SLC8A1: variants seen among roughly 807,000 people sequenced by gnomAD.
SLC8A1 encodes the protein solute carrier family 8 member A1.
Under a neutral mutation model 68.3 loss-of-function variants are expected in SLC8A1, and 18 were observed. That is an observed-to-expected ratio of 0.26 (90% CI 0.18 to 0.39). SLC8A1 has a LOEUF of 0.39. SLC8A1 is among the 10% of genes least tolerant of loss of function. The probability of loss-of-function intolerance (pLI) is 1.00; values close to 1 mark genes in which losing one functional copy is unlikely to be tolerated. For synonymous variants in SLC8A1, 475 were observed against 415.5 expected (o/e 1.14, Z -1.74); for missense variants, 985 against 1,156.7 (o/e 0.85, Z 2.15).
intron 1 of SLC8A1, among the ~76,000 whole-genome samples, chr2:40,467,121 G>T (rs1006482163): frequency 2.6e-5 from 4 of 152,206 alleles, no homozygotes; most frequent in Middle Eastern, 3.4e-3. Flanking sequence ...GGATCCCCAA[G>T]GCTGGCTGGA....
At chr2:40,154,198 G>T (rs529019072) in intron 6 of SLC8A1, among the ~76,000 whole-genome samples, 1 of 151,170 alleles carries the variant, frequency 6.6e-6, no homozygotes, top group South Asian at 2.1e-4. Flanking sequence ...TATAGGTGAA[G>T]AACAGAAATA....
At chr2:40,196,411 G>T (rs917925786) in intron 2 of SLC8A1, among the ~76,000 whole-genome samples, 1 of 151,988 alleles carries the variant, frequency 6.6e-6, no homozygotes, top group Admixed American at 6.6e-5. Flanking sequence ...CTCTGACCTT[G>T]TGAGGTCCTC....
intron 2 of SLC8A1, among the ~76,000 whole-genome samples, chr2:40,283,597 G>A (rs1238955541): frequency 6.6e-6 from 1 of 152,096 alleles, no homozygotes; most frequent in Non-Finnish European, 1.5e-5. Context: ...AAAAACAAAG[G>A]CAAAGCACAA....
At chr2:40,440,870 A>C (rs1204627928) in intron 1 of SLC8A1, among the ~76,000 whole-genome samples, 1 of 152,216 alleles carries the variant, frequency 6.6e-6, no homozygotes, top group Admixed American at 6.5e-5. Flanking sequence ...AACTGGCACA[A>C]GACAAGGATG....
chr2:40,189,581 TG>T, intron 2 of SLC8A1, among the ~76,000 whole-genome samples: 1 of 152,320 alleles, frequency 6.6e-6, no homozygotes, highest in Non-Finnish European at 1.5e-5. Context: ...CCCAAAGTGC[TG>T]GGATTACAGG....
intron 2 of SLC8A1, among the ~76,000 whole-genome samples, chr2:40,198,746 C>T (rs1167068901): frequency 6.6e-6 from 1 of 151,854 alleles, no homozygotes; most frequent in Admixed American, 6.6e-5. Flanking sequence ...TAGGTTCCCT[C>T]TTTAAGGCAC....
At chr2:40,148,807 G>A (rs2042916563) in intron 6 of SLC8A1, among the ~76,000 whole-genome samples, 1 of 152,130 alleles carries the variant, frequency 6.6e-6, no homozygotes, top group Admixed American at 6.5e-5. Context: ...ACTTAGTTTT[G>A]GCTTGAGGGA....
intron 2 of SLC8A1, among the ~76,000 whole-genome samples, chr2:40,254,181 TATAAAA>T (rs994270615): frequency 6.8e-6 from 1 of 147,594 alleles, no homozygotes; most frequent in Non-Finnish European, 1.5e-5. Context: ...AAAAAATTAA[TATAAAA>T]AAAGAAAATA....
intron 2 of SLC8A1, among the ~76,000 whole-genome samples, chr2:40,332,512 C>T (rs2149379272): frequency 6.6e-6 from 1 of 152,218 alleles, no homozygotes; most frequent in Admixed American, 6.5e-5. Flanking sequence ...TCCAGTCTTC[C>T]CTCAACTTCC....
At chr2:40,252,965 G>A (rs2063095808) in intron 2 of SLC8A1, among the ~76,000 whole-genome samples, 1 of 106,456 alleles carries the variant, frequency 9.4e-6, no homozygotes, top group Admixed American at 1.1e-4. Flanking sequence ...GTGTGTATAT[G>A]TATGTACATA....
intron 1 of SLC8A1, among the ~76,000 whole-genome samples, chr2:40,458,963 G>T (rs749019733): frequency 6.6e-6 from 1 of 152,156 alleles, no homozygotes; most frequent in Non-Finnish European, 1.5e-5. Context: ...GTAGAACAGA[G>T]AAAAATAAAA....
intron 2 of SLC8A1, among the ~76,000 whole-genome samples, chr2:40,229,216 G>C (rs447136): frequency 6.6e-6 from 1 of 151,898 alleles, no homozygotes; most frequent in East Asian, 1.9e-4. Context: ...TTGAGTGGAA[G>C]AGGTATCAAT....
At chr2:40,179,744 G>A (rs936621769) in intron 2 of SLC8A1, among the ~76,000 whole-genome samples, 10 of 152,120 alleles carry the variant, frequency 6.6e-5, no homozygotes, top group African/African-American at 2.4e-4. Context: ...TTATTTATCT[G>A]AGCCATTAAG....
chr2:40,209,625 C>A (rs2056195978), intron 2 of SLC8A1, among the ~76,000 whole-genome samples: 1 of 152,148 alleles, frequency 6.6e-6, no homozygotes, highest in African/African-American at 2.4e-5. Context: ...AGGGAGGCTA[C>A]TGTGGTTCCC....
chr2:40,322,467 G>C (rs1347100287), intron 2 of SLC8A1, among the ~76,000 whole-genome samples: 2 of 148,262 alleles, frequency 1.3e-5, no homozygotes, highest in Non-Finnish European at 3.0e-5. Context: ...AGGCCAGCTG[G>C]GCTACATAGA....
At chr2:40,508,595 A>G (rs1249720677) in intron 1 of SLC8A1, among the ~76,000 whole-genome samples, 2 of 152,178 alleles carry the variant, frequency 1.3e-5, no homozygotes, top group African/African-American at 4.8e-5. Flanking sequence ...GCTAAGGACT[A>G]TGATAGATAT....
At chr2:40,169,605 C>A (rs1288445230) in intron 4 of SLC8A1, among the ~76,000 whole-genome samples, 1 of 152,104 alleles carries the variant, frequency 6.6e-6, no homozygotes, top group Non-Finnish European at 1.5e-5. Flanking sequence ...TGCCTGGGGG[C>A]AGCAAGGGCA....
chr2:40,157,349 T>TCTG (rs771017744), intron 6 of SLC8A1, among the ~76,000 whole-genome samples: 1 of 151,814 alleles, frequency 6.6e-6, no homozygotes, highest in Non-Finnish European at 1.5e-5. Flanking sequence ...ACTGAGATCT[T>TCTG]GAGGTGTAGT....
exon 2 of SLC8A1, chr2:40,429,722 C>T: frequency 6.2e-7 from 1 of 1,613,842 alleles, no homozygotes; most frequent in Non-Finnish European, 8.5e-7. Flanking sequence ...ACCACATAAA[C>T]ACAGAGTGCA....
Sources: gnomAD v4.1 joint callset for allele counts (sites outside exome capture counted in the v4.1 genomes callset) on GRCh38, gnomAD v4.1.1 for gene constraint, MANE v1.5 for transcripts, NCBI Gene and HGNC (gene_info 2026-07-23, HGNC 2026-07-21) for gene names.